AFAP1L1: variants seen among roughly 807,000 people sequenced by gnomAD.
The protein encoded by AFAP1L1 is actin filament-associated protein 1-like 1.
A neutral mutation model predicts 99.8 loss-of-function variants in AFAP1L1; 77 were observed. That is an observed-to-expected ratio of 0.77 (90% CI 0.64 to 0.93). The LOEUF is 0.93. Ranked by LOEUF, AFAP1L1 falls within the 40% of genes least tolerant of loss-of-function variation. The pLI is 0.00. For synonymous variants in AFAP1L1, 373 were observed against 395.3 expected (o/e 0.94, Z 0.67); for missense variants, 893 against 996.8 (o/e 0.90, Z 1.40).
chr5:149,296,102 C>T (rs1258654218), intron 1 of AFAP1L1, among the ~76,000 whole-genome samples: 5 of 152,280 alleles, frequency 3.3e-5, no homozygotes, highest in East Asian at 1.9e-4. Flanking sequence ...GGCACAGTCA[C>T]GACTCACTGC....
chr5:149,307,814 C>T (rs1045816370), intron 7 of AFAP1L1, among the ~76,000 whole-genome samples: 2 of 141,808 alleles, frequency 1.4e-5, no homozygotes, highest in African/African-American at 5.2e-5. Context: ...CCCTGTGCCT[C>T]TCTTTCTCTC....
At position 149,300,300 on chromosome 5, in the gene AFAP1L1, A is replaced by C. The variant is rs781212886; in HGVS notation, c.175A>C (p.Thr59Pro). Reference protein sequence around the residue: ...AKEVSYLYVNTADLHSGPSFV... With the variant: ...AKEVSYLYVNPADLHSGPSFV... ...GGAGGTCTCCTACCTGTATGTGAAC[A>C]CAGCAGACCTCCACTCGGGGCCCAG... is the stretch of plus-strand genomic sequence containing the variant. The change falls in exon 3 of 19, where the codon ACA (threonine) becomes CCA (proline). Residue 59 changes from threonine (T) to proline (P), a missense_variant. Physicochemically the swap from Thr to Pro is conservative, Grantham distance 38. Transcript: ENST00000296721. 15 of 1,613,426 alleles carry C rather than the reference A, an allele frequency of 9.3e-6. No homozygotes were observed. The highest frequency in any genetic ancestry group is 1.6e-4 in the Middle Eastern group (1 of 6,068).
intron 1 of AFAP1L1, among the ~76,000 whole-genome samples, chr5:149,286,712 C>A (rs1196858687): frequency 6.6e-6 from 1 of 152,196 alleles, no homozygotes; most frequent in Non-Finnish European, 1.5e-5. Flanking sequence ...CAGGGTGCTC[C>A]TGCTTCTCAA....
intron 1 of AFAP1L1, among the ~76,000 whole-genome samples, chr5:149,274,471 T>G (rs765728784): frequency 6.6e-6 from 1 of 152,198 alleles, no homozygotes; most frequent in Non-Finnish European, 1.5e-5. Flanking sequence ...GCACACAAGA[T>G]CAGTTTAACT....
chr5:149,316,367 G>C, intron 11 of AFAP1L1, 64 bp downstream of exon 11: 1 of 1,565,254 alleles, frequency 6.4e-7, no homozygotes, highest in South Asian at 1.2e-5. Context: ...TGGGGGCTGA[G>C]GCCAGGAGAC....
At chr5:149,319,901 G>T (rs1159566010) in intron 13 of AFAP1L1, among the ~76,000 whole-genome samples, 174 bp downstream of exon 13, 1 of 152,230 alleles carries the variant, frequency 6.6e-6, no homozygotes, top group Non-Finnish European at 1.5e-5. Context: ...TGGGGAGCTG[G>T]CTGAAGGAAG....
chr5:149,289,400 C>A (rs770030187), intron 1 of AFAP1L1, among the ~76,000 whole-genome samples: 6 of 152,038 alleles, frequency 3.9e-5, no homozygotes, highest in Non-Finnish European at 8.8e-5. Context: ...CACACAGGGG[C>A]TATATTTAAC....
rs762099499 is a variant in AFAP1L1 at position 149,315,959 on chromosome 5, C to T, written c.1114+45C>T. 4 of 1,608,410 alleles carry T rather than the reference C, an allele frequency of 2.5e-6. No individual in the cohort carries two copies. The South Asian group carries it at 4.4e-5, about 18-fold the overall frequency. ...CAGGCTGGGGAATGCTGGAACTGGG[C>T]CGGGCCTTGCCCATGGGCACACAGC... On this transcript the variant is annotated intron_variant, in intron 10 of 18. Transcript: ENST00000296721.
At chr5:149,291,592 G>C (rs915337962) in intron 1 of AFAP1L1, among the ~76,000 whole-genome samples, 9 of 129,308 alleles carry the variant, frequency 7.0e-5, no homozygotes, top group African/African-American at 2.6e-4. Flanking sequence ...GAAAGTCACA[G>C]AAAAGGCTGC....
chr5:149,277,228 T>C (rs2127587782), intron 1 of AFAP1L1, among the ~76,000 whole-genome samples: 2 of 152,338 alleles, frequency 1.3e-5, no homozygotes, highest in South Asian at 4.1e-4. Flanking sequence ...AAGACAGGAA[T>C]TTCTTTTGCT....
At chr5:149,313,898 G>A (rs6889207) in intron 9 of AFAP1L1, among the ~76,000 whole-genome samples, 8,595 of 152,272 alleles carry the variant, frequency 0.056, 586 homozygotes, top group African/African-American at 0.16. Flanking sequence ...GGGAAAAGGT[G>A]CAGGAGCAGG....
intron 1 of AFAP1L1, among the ~76,000 whole-genome samples, chr5:149,285,055 T>C (rs1755636217): frequency 6.6e-6 from 1 of 152,160 alleles, no homozygotes; most frequent in South Asian, 2.1e-4. Flanking sequence ...TTTTCTTGGA[T>C]CCTCAACCCC....
At chr5:149,293,756 C>T (rs763197557) in intron 1 of AFAP1L1, among the ~76,000 whole-genome samples, 1 of 152,176 alleles carries the variant, frequency 6.6e-6, no homozygotes, top group Non-Finnish European at 1.5e-5. Flanking sequence ...AATGTTTGTT[C>T]GAAGCACGGT....
At chr5:149,337,647 G>A (rs1171198878) in intron 18 of AFAP1L1, among the ~76,000 whole-genome samples, 4 of 152,196 alleles carry the variant, frequency 2.6e-5, no homozygotes, top group Non-Finnish European at 5.9e-5. Context: ...GAACAAGACA[G>A]ATGAGGTCCT....
At chr5:149,281,867 G>A (rs543637565) in intron 1 of AFAP1L1, among the ~76,000 whole-genome samples, 4 of 152,140 alleles carry the variant, frequency 2.6e-5, no homozygotes, top group Non-Finnish European at 4.4e-5. Flanking sequence ...AGGAAAAGGA[G>A]GTCTGAATAA....
chr5:149,273,871 A>G (rs1282711015), intron 1 of AFAP1L1, among the ~76,000 whole-genome samples: 1 of 149,918 alleles, frequency 6.7e-6, no homozygotes, highest in Non-Finnish European at 1.5e-5. Flanking sequence ...ACAAAAATCC[A>G]TACCTAGGCC....
rs1402520791 is a variant in AFAP1L1, at chr5:149,319,574, T to G, written c.1480-8T>G. 1 of 1,593,336 alleles carries G rather than the reference T, an allele frequency of 6.3e-7. No individual in the cohort carries two copies. The highest frequency in any genetic ancestry group is 1.1e-5 in the South Asian group (1 of 88,816). On this transcript the variant is annotated splice_polypyrimidine_tract_variant and splice_region_variant and intron_variant, in intron 12 of 18. Transcript: ENST00000296721. ...AAATGAACTCCATCTTTGCCTCCTG[T>G]CCTTCAGGCAAGCTGTTCAGAGGAC...
intron 18 of AFAP1L1, among the ~76,000 whole-genome samples, chr5:149,336,990 C>G (rs1310422940): frequency 6.6e-6 from 1 of 152,158 alleles, no homozygotes; most frequent in Non-Finnish European, 1.5e-5. Context: ...ACTGGAAAGA[C>G]AGTTTGATAT....
intron 1 of AFAP1L1, among the ~76,000 whole-genome samples, chr5:149,279,438 A>G (rs77509940): frequency 4.2e-4 from 64 of 152,352 alleles, no homozygotes; most frequent in Admixed American, 7.2e-4. Context: ...CCTTTTGCAC[A>G]CTGTAGAGAA....
Sources: allele counts gnomAD v4.1 joint callset (sites outside exome capture counted in the v4.1 genomes callset), GRCh38; gene constraint gnomAD v4.1.1; transcripts MANE v1.5; gene names NCBI Gene and HGNC (gene_info 2026-07-23, HGNC 2026-07-21).